The following DCP1B variants were observed in gnomAD, a reference collection of about 807,000 sequenced individuals.
DCP1B encodes the protein decapping mRNA 1B.
DCP1B carries 47 observed loss-of-function variants against 60.5 expected under a neutral mutation model. The ratio of observed to expected loss-of-function variants is 0.78; its 90% CI spans 0.61 to 0.99. The LOEUF (loss-of-function observed/expected upper bound fraction) is 0.99, where lower values mean the gene tolerates loss of function less well. Among genes scored for constraint, DCP1B ranks in the 50% least tolerant of loss-of-function variants. The pLI, the probability that DCP1B is intolerant of heterozygous loss-of-function variation, is 0.00. For synonymous variants in DCP1B, 267 were observed against 280.3 expected (o/e 0.95, Z 0.47); for missense variants, 725 against 756.8 (o/e 0.96, Z 0.49).
intron 3 of DCP1B, among the ~76,000 whole-genome samples, chr12:1,969,545 C>T (rs1420605664): frequency 1.5e-5 from 2 of 130,136 alleles, no homozygotes; most frequent in Admixed American, 7.8e-5. Context: ...GGTACACTGA[C>T]TTTTTTTTTT....
rs2031161938 is a variant in DCP1B, at chr12:1,962,532, T to C, written c.522+3026A>G. 6.6e-6 allele frequency among the ~76,000 whole-genome samples: 1 copy of C among 152,224 alleles called. No homozygotes were observed. Among genetic ancestry groups the C allele is most frequent in the South Asian group, 2.1e-4 (1 of 4,826 alleles). On this transcript the variant is annotated intron_variant, in intron 5 of 8. Coordinates refer to ENST00000280665, the MANE Select transcript of DCP1B (RefSeq NM_152640.5). This position sits in a 1 kb window ranked among gnomAD's most constrained non-coding sequence, Gnocchi z 4.4. ...CTGTCTTCACAGAACATTAAGTTCC[T>C]GGAGGGCAGAAATGTCACCTTTTGA... is the stretch of plus-strand genomic sequence containing the variant.
At position 1,962,539 on chromosome 12, in the gene DCP1B, C is replaced by A. The variant is rs2031162145; in HGVS notation, c.522+3019G>T. ...CACAGAACATTAAGTTCCTGGAGGG[C>A]AGAAATGTCACCTTTTGAAGATTAA... On this transcript the variant is annotated intron_variant, in intron 5 of 8. Transcript: ENST00000280665. The surrounding 1 kb of genome is among the most constrained non-coding windows in gnomAD (Gnocchi z 4.4). Among the ~76,000 whole-genome samples the A allele has an allele frequency of 6.6e-6, 1 of 152,010 alleles. No individual in the cohort carries two copies. The highest frequency in any genetic ancestry group is 2.1e-4 in the South Asian group (1 of 4,820).
Position 1,962,087 on chromosome 12 carries a change from G to A in DCP1B, c.522+3471C>T, listed in dbSNP as rs1180987281. On this transcript the variant is annotated intron_variant, in intron 5 of 8. Transcript: ENST00000280665. The surrounding 1 kb of genome is among the most constrained non-coding windows in gnomAD (Gnocchi z 4.4). The stretch of plus-strand genomic sequence containing the variant: ...GAAGGCGTAGGCTAGAGCATTTACT[G>A]AATTTCCTCAAGGAAGGCAAGGCAG... Among the ~76,000 whole-genome samples, 3 of 152,178 alleles carry A rather than the reference G, an allele frequency of 2.0e-5. No homozygotes were observed. The highest frequency in any genetic ancestry group is 4.4e-5 in the Non-Finnish European group (3 of 68,034).
intron 1 of DCP1B, 55 bp from the exon 2 acceptor site, chr12:1,998,030 G>A: frequency 2.7e-6 from 4 of 1,480,468 alleles, no homozygotes; most frequent in Non-Finnish European, 3.7e-6. Context: ...AATTCACAAA[G>A]GTATAAAACA....
intron 3 of DCP1B, among the ~76,000 whole-genome samples, chr12:1,984,958 A>G (rs1462878587): frequency 6.6e-6 from 1 of 151,696 alleles, no homozygotes; most frequent in Non-Finnish European, 1.5e-5. Flanking sequence ...ATAATTTCTG[A>G]TAAGAAATCT....
Position 1,953,228 on chromosome 12 carries a change from C to A in DCP1B, c.712G>T (p.Ala238Ser). 1.2e-6 allele frequency: 2 copies of A among 1,605,702 alleles called. No individual in the cohort carries two copies. Among genetic ancestry groups the A allele is most frequent in the Non-Finnish European group, 1.7e-6 (2 of 1,179,958 alleles). The stretch of plus-strand genomic sequence containing the variant: ...GGCTCCACAGTTTCCTGACATGTAG[C>A]TTTGTCCTGCTTCCCAAACAGAGCT... Reference protein sequence around the residue: ...LTALFGKQDKATCQETVEPPQ... With the variant: ...LTALFGKQDKSTCQETVEPPQ... The change falls in exon 7 of 9, where the codon GCT becomes TCT. Residue 238 changes from alanine (A) to serine (S), a missense_variant. Coordinates refer to ENST00000280665, the MANE Select transcript of DCP1B (RefSeq NM_152640.5).
chr12:1,945,870 CTG>C (rs1491102724), downstream of DCP1B, among the ~76,000 whole-genome samples: 1 of 152,048 alleles, frequency 6.6e-6, no homozygotes, highest in Non-Finnish European at 1.5e-5. Context: ...ACATCACACA[CTG>C]GGGTCTGTCG....
downstream of DCP1B, among the ~76,000 whole-genome samples, chr12:1,941,798 A>G (rs1396639274): frequency 6.6e-6 from 1 of 152,130 alleles, no homozygotes; most frequent in Non-Finnish European, 1.5e-5. Context: ...TGCACTAAAT[A>G]TGGAAAGGAA....
chr12:1,997,998 A>G (rs768008783), intron 1 of DCP1B, 23 bp from the exon 2 acceptor site: 46 of 1,599,482 alleles, frequency 2.9e-5, no homozygotes, highest in African/African-American at 1.3e-4. Flanking sequence ...AACAAAACAC[A>G]CAAGACATGT....
rs748947306 is a variant in DCP1B at position 1,946,333 on chromosome 12, GAC to G, written c.1774-49_1774-48del. 17 of 1,478,290 alleles carry G rather than the reference GAC, an allele frequency of 1.1e-5. No individual in the cohort carries two copies. The South Asian group carries it at 2.1e-4, about 19-fold the overall frequency. 91.6% of individuals were successfully genotyped at this position (1,478,290 alleles called of 1,614,324 possible). ...CCAAGAGAATGTTACTTGGTTGGCA[GAC>G]ACAAAAGGCTTCCTCTGTCTTAGAG... On this transcript the variant is annotated intron_variant, in intron 8 of 8. Coordinates refer to ENST00000280665, the MANE Select transcript of DCP1B (RefSeq NM_152640.5).
chr12:1,979,970 A>G (rs994198628), intron 3 of DCP1B, among the ~76,000 whole-genome samples: 9 of 152,346 alleles, frequency 5.9e-5, no homozygotes, highest in Admixed American at 1.3e-4. Context: ...AAAACAAACA[A>G]TATCAAGTTT....
rs540031602 is a variant in DCP1B, at chr12:1,985,950, G to A, written c.319+7314C>T. Among the ~76,000 whole-genome samples, 1,294 of 152,178 alleles carry A rather than the reference G, an allele frequency of 8.5e-3. 9 individuals are homozygous for A. The highest frequency in any genetic ancestry group is 0.017 in the Middle Eastern group (5 of 294). ...CTCAGCCTCCCAAGTAGCTGGGACT[G>A]CAGGTGCCTGCCACCACACTTGGCT... On this transcript the variant is annotated intron_variant, in intron 3 of 8. Transcript: ENST00000280665.
intron 3 of DCP1B, chr12:1,992,172 G>A: frequency 5.5e-6 from 1 of 180,490 alleles, no homozygotes. Flanking sequence ...TTTCTATATT[G>A]CAAAACTTTT....
At chr12:1,977,038 G>A (rs1483504201) in intron 3 of DCP1B, among the ~76,000 whole-genome samples, 3 of 152,108 alleles carry the variant, frequency 2.0e-5, no homozygotes, top group Non-Finnish European at 2.9e-5. Context: ...AGTTATCTCT[G>A]GGCAGATAAT....
chr12:1,997,066 G>A (rs2041104775), intron 2 of DCP1B, among the ~76,000 whole-genome samples: 2 of 152,226 alleles, frequency 1.3e-5, no homozygotes, highest in African/African-American at 4.8e-5. Context: ...CATAATGTAT[G>A]TCTCTATATG....
At chr12:1,985,714 C>T (rs2037494749) in intron 3 of DCP1B, among the ~76,000 whole-genome samples, 1 of 152,314 alleles carries the variant, frequency 6.6e-6, no homozygotes, top group Admixed American at 6.5e-5. Flanking sequence ...AGAGAATGTT[C>T]ACTTTGTATA....
At chr12:1,999,363 A>G (rs2154478239) in intron 1 of DCP1B, among the ~76,000 whole-genome samples, 1 of 152,348 alleles carries the variant, frequency 6.6e-6, no homozygotes, top group Middle Eastern at 3.4e-3. Flanking sequence ...ATCATTACCT[A>G]GTAACAAAAT....
chr12:1,944,452 C>G (rs1207670843), downstream of DCP1B, among the ~76,000 whole-genome samples: 1 of 152,104 alleles, frequency 6.6e-6, no homozygotes, highest in Non-Finnish European at 1.5e-5. Flanking sequence ...TCATATGGAA[C>G]CAAAAAAGAG....
At chr12:1,955,115 T>C (rs112874899) in intron 6 of DCP1B, among the ~76,000 whole-genome samples, 4,142 of 152,280 alleles carry the variant, frequency 0.027, 95 homozygotes, top group Middle Eastern at 0.054. Flanking sequence ...CCTCAGCCTC[T>C]CAAAGTGCTG....
Sources: allele counts gnomAD v4.1 joint callset (sites outside exome capture counted in the v4.1 genomes callset), GRCh38; gene constraint gnomAD v4.1.1; non-coding constraint Gnocchi (gnomAD v3.1); transcripts MANE v1.5; gene names NCBI Gene and HGNC (gene_info 2026-07-23, HGNC 2026-07-21).